Variants in CNFN observed in about 807,000 individuals in gnomAD.
The protein encoded by CNFN is cornefied envelope protein cornefilin.
In CNFN, 10 loss-of-function variants were observed where a neutral mutation model predicts 14.9. The ratio of observed to expected loss-of-function variants is 0.67; its 90% CI spans 0.41 to 1.14. The LOEUF (loss-of-function observed/expected upper bound fraction) is 1.14, where lower values mean the gene tolerates loss of function less well. CNFN is among the 50% of genes most tolerant of loss of function. The pLI is 0.00. For synonymous variants in CNFN, 66 were observed against 60.0 expected, an observed-to-expected ratio of 1.10 and a Z score of -0.46; for missense variants, 165 against 152.8, an observed-to-expected ratio of 1.08 and a Z score of -0.42.
In CNFN at chr19:42,387,397, G is replaced by A. The variant is rs1477851193; in HGVS notation, c.192C>T (p.Tyr64=). 1 of 1,601,914 alleles carries A rather than the reference G, an allele frequency of 6.2e-7. No homozygotes were observed. The highest frequency in any genetic ancestry group is 1.3e-5 in the African/African-American group (1 of 74,670). The change falls in exon 3 of 4, where the codon TAC becomes TAT. Residue 64 remains tyrosine (Y), a synonymous_variant. Transcript: ENST00000222032. ...DDFGECCCAP[Y]LPGGLHSIRT... The stretch of plus-strand genomic sequence containing the variant: ...GGATGGAGTGCAGGCCTCCGGGCAG[G>A]TAGGGCGCGCAGCAGCACTCGCCAA...
rs188040039 is a variant in CNFN at position 42,387,613 on chromosome 19, G to C, written c.113-137C>G. The C allele has an allele frequency of 3.0e-3, 1,677 of 557,508 alleles. 5 individuals carry two copies. Among genetic ancestry groups the C allele is most frequent in the Admixed American group, 6.8e-3 (183 of 27,002 alleles). 34.5% of individuals were successfully genotyped at this position (557,508 alleles called of 1,614,324 possible). On this transcript the variant is annotated intron_variant, in intron 2 of 3. Coordinates refer to ENST00000222032, the MANE Select transcript of CNFN (RefSeq NM_032488.4). ...AGGAGAGGTCCCAGAGGGAATTAGAGGTCCGAGGAGAGGATGGCTTAGCGA... is the reference window on the plus strand; with the variant it reads ...AGGAGAGGTCCCAGAGGGAATTAGACGTCCGAGGAGAGGATGGCTTAGCGA...
chr19:42,387,479 G>A lies in CNFN; in HGVS notation c.113-3C>T, dbSNP rs1199802387. The A allele has an allele frequency of 2.6e-6, 4 of 1,567,634 alleles. No homozygotes were observed. The highest frequency in any genetic ancestry group is 1.2e-5 in the South Asian group (1 of 85,930). On this transcript the variant is annotated splice_polypyrimidine_tract_variant and splice_region_variant and intron_variant, in intron 2 of 3. Transcript: ENST00000222032. Reference sequence around the variant, plus strand: ...AGGAGCAAAAGTGCCGCACAGACCTGGGCGGGGCGCAGGCGCTCAGGGGCG... The same window carrying A: ...AGGAGCAAAAGTGCCGCACAGACCTAGGCGGGGCGCAGGCGCTCAGGGGCG...
rs1449514187 is a variant in CNFN at position 42,387,463 on chromosome 19, A to C, written c.126T>G (p.Thr42=). The C allele has an allele frequency of 1.3e-6, 2 of 1,586,126 alleles. No individual in the cohort carries two copies. Among genetic ancestry groups the C allele is most frequent in the East Asian group, 4.6e-5 (2 of 43,206 alleles). The change falls in exon 3 of 4, where the codon ACT becomes ACG. Residue 42 remains threonine (T), a synonymous_variant. Coordinates refer to ENST00000222032, the MANE Select transcript of CNFN (RefSeq NM_032488.4). The part of the protein sequence containing the change: ...CNDMPVCLCG[T]FAPLCLACRI... ...GGCAGGCAAGGCACAGAGGAGCAAA[A>C]GTGCCGCACAGACCTGGGCGGGGCG...
At chr19:42,387,267 G>C in intron 3 of CNFN, 25 bp from the exon 4 acceptor site, 1 of 1,610,510 alleles carries the variant, frequency 6.2e-7, no homozygotes, top group East Asian at 2.2e-5. Context: ...AGAGCGGTCA[G>C]GAGCCCCGCG....
At chr19:42,389,596 A>G in intron 1 of CNFN, 1 of 1,237,412 alleles carries the variant, frequency 8.1e-7, no homozygotes, top group Non-Finnish European at 1.1e-6. Context: ...GAGTCTGTCC[A>G]AGGGACGCTG....
chr19:42,389,441 G>A (rs1211128279), intron 1 of CNFN: 3 of 1,286,820 alleles, frequency 2.3e-6, no homozygotes, highest in African/African-American at 3.0e-5. Flanking sequence ...GAGGGAGGCG[G>A]CCAGGTTCCA....
chr19:42,389,757 T>C (rs2147533950), intron 1 of CNFN, among the ~76,000 whole-genome samples: 1 of 152,240 alleles, frequency 6.6e-6, no homozygotes, highest in East Asian at 1.9e-4. Flanking sequence ...AACTCGCCCA[T>C]GTCTTTCCAA....
intron 1 of CNFN, chr19:42,389,656 T>G: frequency 1.1e-5 from 2 of 182,632 alleles, no homozygotes; most frequent in Non-Finnish European, 2.1e-5. Context: ...GGCTGGGCTC[T>G]CAGGGGGAGG....
intron 1 of CNFN, chr19:42,389,615 G>A: frequency 1.8e-6 from 2 of 1,093,324 alleles, no homozygotes; most frequent in African/African-American, 3.2e-5. Flanking sequence ...TGGATACTGG[G>A]GAGGTGGGGG....
In CNFN at chr19:42,387,204, A is replaced by C; in HGVS notation, c.288T>G (p.Cys96Trp). 6.2e-7 allele frequency: 1 copy of C among 1,614,218 alleles called. No homozygotes were observed. Among genetic ancestry groups the C allele is most frequent in the African/African-American group, 1.3e-5 (1 of 75,074 alleles). ...CCATCTGGCAGAGGGCGCAGGGCAG[A>C]CAAAAGGTGAGGGCCGCCCAGTCGT... ...VGHDWAALTF[C>W]LPCALCQMAR... The change falls in exon 4 of 4, where the codon TGT (cysteine) becomes TGG (tryptophan). Residue 96 changes from cysteine (C) to tryptophan (W), a missense_variant. Coordinates refer to ENST00000222032, the MANE Select transcript of CNFN (RefSeq NM_032488.4).
chr19:42,389,303 C>T (rs2039880307), intron 1 of CNFN, among the ~76,000 whole-genome samples: 1 of 152,240 alleles, frequency 6.6e-6, no homozygotes, highest in Admixed American at 6.5e-5. Context: ...GTGGGGACCA[C>T]ATCTGGGTGG....
At position 42,387,443 on chromosome 19, in the gene CNFN, G is replaced by C. The variant is rs1367954929; in HGVS notation, c.146C>G (p.Ala49Gly). The C allele has an allele frequency of 2.5e-6, 4 of 1,596,734 alleles. No individual in the cohort carries two copies. The highest frequency in any genetic ancestry group is 2.6e-6 in the Non-Finnish European group (3 of 1,173,454). The part of the protein sequence containing the change: ...LCGTFAPLCL[A>G]CRISDDFGEC... Reference sequence around the variant, plus strand: ...GCCAAAGTCGTCGGAGATGCGGCAGGCAAGGCACAGAGGAGCAAAAGTGCC... The same window carrying C: ...GCCAAAGTCGTCGGAGATGCGGCAGCCAAGGCACAGAGGAGCAAAAGTGCC... The change falls in exon 3 of 4, where the codon GCC becomes GGC. Residue 49 changes from alanine to glycine, a missense_variant. Transcript: ENST00000222032.
chr19:42,388,287 G>A (rs2039871100), intron 2 of CNFN, among the ~76,000 whole-genome samples: 1 of 151,878 alleles, frequency 6.6e-6, no homozygotes, highest in Non-Finnish European at 1.5e-5. Context: ...TCTGTCTCCC[G>A]GGTTCAATCA....
rs1444647069 is a variant in CNFN at position 42,387,219 on chromosome 19, C to T, written c.273G>A (p.Ala91=). ...HIQGSVGHDW[A]ALTFCLPCAL... Reference sequence around the variant, plus strand: ...CGCAGGGCAGACAAAAGGTGAGGGCCGCCCAGTCGTGCCCGACGGAGCCCT... The same window carrying T: ...CGCAGGGCAGACAAAAGGTGAGGGCTGCCCAGTCGTGCCCGACGGAGCCCT... The change falls in exon 4 of 4, where the codon GCG becomes GCA. Residue 91 remains alanine (A), a synonymous_variant. Coordinates refer to ENST00000222032, the MANE Select transcript of CNFN (RefSeq NM_032488.4). 1.2e-6 allele frequency: 2 copies of T among 1,613,992 alleles called. No individual in the cohort carries two copies. Among genetic ancestry groups the T allele is most frequent in the African/African-American group, 1.3e-5 (1 of 74,928 alleles).
chr19:42,389,633 C>G, intron 1 of CNFN: 11 of 194,970 alleles, frequency 5.6e-5, no homozygotes, highest in Non-Finnish European at 9.4e-5. Flanking sequence ...GGGCAAGGGA[C>G]TGGGGCACTG....
chr19:42,388,876 C>T, intron 2 of CNFN, 50 bp downstream of exon 2: 2 of 1,425,252 alleles, frequency 1.4e-6, no homozygotes, highest in East Asian at 2.3e-5. Flanking sequence ...CCTGATTCCC[C>T]CCAAACCCAT....
At chr19:42,389,342 G>A in intron 1 of CNFN, 21 of 679,380 alleles carry the variant, frequency 3.1e-5, no homozygotes, top group South Asian at 4.8e-5. Context: ...CCTCCTCCAC[G>A]TCTGGGCCTG....
intron 2 of CNFN, 119 bp downstream of exon 2, chr19:42,388,807 A>G: frequency 1.5e-6 from 1 of 663,610 alleles, no homozygotes; most frequent in Admixed American, 2.4e-5. Flanking sequence ...AGTCCAGGGA[A>G]GGGAGGTGGG....
At chr19:42,389,337 TCCA>T (rs902889348) in intron 1 of CNFN, among the ~76,000 whole-genome samples, 1 of 152,216 alleles carries the variant, frequency 6.6e-6, no homozygotes, top group Non-Finnish European at 1.5e-5. Flanking sequence ...CGCCTCCTCC[TCCA>T]CGTCTGGGCC....
Sources: allele counts gnomAD v4.1 joint callset (sites outside exome capture counted in the v4.1 genomes callset), GRCh38; gene constraint gnomAD v4.1.1; transcripts MANE v1.5; gene names NCBI Gene and HGNC (gene_info 2026-07-23, HGNC 2026-07-21).